The following RBMS3 variants were observed in gnomAD, a reference collection of about 807,000 sequenced individuals.
RBMS3 encodes RNA-binding motif, single-stranded-interacting protein 3.
A neutral mutation model predicts 66.8 loss-of-function variants in RBMS3; 27 were observed. That is an observed-to-expected ratio of 0.40 (90% CI 0.30 to 0.56). The LOEUF (loss-of-function observed/expected upper bound fraction) is 0.56. Among genes scored for constraint, RBMS3 ranks in the 20% least tolerant of loss-of-function variants. RBMS3 has a pLI of 0.40. For synonymous variants in RBMS3, 188 were observed against 183.0 expected (o/e 1.03, Z -0.22); for missense variants, 513 against 549.5 (o/e 0.93, Z 0.66).
intron 6 of RBMS3, among the ~76,000 whole-genome samples, chr3:29,769,298 A>G (rs1412008970): frequency 6.6e-6 from 1 of 151,970 alleles, no homozygotes; most frequent in Non-Finnish European, 1.5e-5. Context: ...GATTTAGGGC[A>G]GCCATAAAGC....
At chr3:29,717,771 A>G (rs2053462759) in intron 4 of RBMS3, among the ~76,000 whole-genome samples, 1 of 152,166 alleles carries the variant, frequency 6.6e-6, no homozygotes, top group Non-Finnish European at 1.5e-5. Context: ...TTCAAAATGC[A>G]GTAGAAGGAG....
intron 12 of RBMS3, among the ~76,000 whole-genome samples, chr3:29,955,703 A>G (rs951001048): frequency 6.6e-6 from 1 of 152,058 alleles, no homozygotes; most frequent in Admixed American, 6.6e-5. Context: ...TAGACCACAC[A>G]GTGTCTGCTC....
intron 1 of RBMS3, among the ~76,000 whole-genome samples, chr3:29,368,897 A>G (rs1013203627): frequency 3.3e-5 from 5 of 152,188 alleles, no homozygotes; most frequent in African/African-American, 1.2e-4. Context: ...AATAGCAAAG[A>G]CATAGAATCA....
chr3:29,287,971 TG>T (rs1370941456), intron 1 of RBMS3, among the ~76,000 whole-genome samples: 23 of 152,228 alleles, frequency 1.5e-4, no homozygotes, highest in African/African-American at 5.3e-4. Context: ...AAAAATGTTT[TG>T]TTTTATCCAT....
intron 3 of RBMS3, among the ~76,000 whole-genome samples, chr3:29,584,825 G>A (rs1473460589): frequency 6.6e-6 from 1 of 151,952 alleles, no homozygotes; most frequent in Non-Finnish European, 1.5e-5. Flanking sequence ...CTGGAATGTT[G>A]CAATAGCCCC....
chr3:29,914,110 A>G (rs2060582319), intron 10 of RBMS3, among the ~76,000 whole-genome samples: 2 of 151,970 alleles, frequency 1.3e-5, no homozygotes, highest in South Asian at 4.1e-4. Flanking sequence ...GTGTGTTTAT[A>G]TGAGGTTATT....
intron 1 of RBMS3, among the ~76,000 whole-genome samples, chr3:29,380,038 G>A (rs1245578009): frequency 6.6e-6 from 1 of 152,130 alleles, no homozygotes; most frequent in Non-Finnish European, 1.5e-5. Flanking sequence ...ATTTCTGACA[G>A]GGGGAAAGAG....
chr3:29,813,609 T>A, intron 6 of RBMS3, among the ~76,000 whole-genome samples: 2 of 152,190 alleles, frequency 1.3e-5, no homozygotes, highest in Non-Finnish European at 2.9e-5. Flanking sequence ...TTCCTACCCA[T>A]GAGCATGGAA....
intron 3 of RBMS3, among the ~76,000 whole-genome samples, chr3:29,552,762 G>A (rs1477612115): frequency 6.6e-6 from 1 of 152,086 alleles, no homozygotes; most frequent in Admixed American, 6.5e-5. Context: ...AAATGGAAAT[G>A]GTGAACACAA....
intron 1 of RBMS3, among the ~76,000 whole-genome samples, chr3:29,295,304 T>TATA (rs1491256197): frequency 0.14 from 546 of 3,972 alleles, 1 homozygote; most frequent in Non-Finnish European, 0.24. Flanking sequence ...TACATATATA[T>TATA]CTATATATAT....
intron 3 of RBMS3, among the ~76,000 whole-genome samples, chr3:29,511,592 C>T (rs1013044977): frequency 2.0e-5 from 3 of 152,094 alleles, no homozygotes; most frequent in Non-Finnish European, 2.9e-5. Context: ...CCAATGTCTG[C>T]TGTTGGAAAT....
chr3:29,526,816 A>G (rs1048258408), intron 3 of RBMS3, among the ~76,000 whole-genome samples: 2 of 151,586 alleles, frequency 1.3e-5, no homozygotes, highest in African/African-American at 4.8e-5. Context: ...CCTCACCTCC[A>G]ATTCCTCCCT....
intron 4 of RBMS3, among the ~76,000 whole-genome samples, chr3:29,710,369 C>T (rs7653087): frequency 0.55 from 83,361 of 151,992 alleles, 23,457 homozygotes; most frequent in African/African-American, 0.68. Context: ...ATATTCTCTG[C>T]TCAGGCACTA....
chr3:29,890,021 C>T (rs951638364), intron 8 of RBMS3, among the ~76,000 whole-genome samples: 1 of 151,608 alleles, frequency 6.6e-6, no homozygotes, highest in African/African-American at 2.4e-5. Context: ...TTGGACTATG[C>T]ATTGTGTTGT....
chr3:29,616,010 T>C (rs1270281343), intron 4 of RBMS3: 1 of 152,102 alleles, frequency 6.6e-6, no homozygotes, highest in Non-Finnish European at 1.5e-5. Context: ...TCTGAGCAAT[T>C]ATAGAAGCCA....
intron 11 of RBMS3, among the ~76,000 whole-genome samples, chr3:29,936,635 G>A (rs999798209): frequency 6.6e-6 from 1 of 152,018 alleles, no homozygotes; most frequent in Non-Finnish European, 1.5e-5. Context: ...TCAATAAAGA[G>A]TAATTGAGGT....
intron 3 of RBMS3, among the ~76,000 whole-genome samples, chr3:29,582,305 A>G (rs1038023943): frequency 3.2e-4 from 49 of 152,338 alleles, no homozygotes; most frequent in African/African-American, 6.7e-4. Context: ...TCAGGAAAGC[A>G]TTGATTATAT....
chr3:29,495,055 A>C (rs2068308), intron 3 of RBMS3, among the ~76,000 whole-genome samples: 3,443 of 147,980 alleles, frequency 0.023, 141 homozygotes, highest in Admixed American at 0.091. Context: ...AATTGGAGAC[A>C]AGTATCCAAA....
intron 2 of RBMS3, among the ~76,000 whole-genome samples, chr3:29,480,056 T>A (rs776653761): frequency 2.6e-4 from 39 of 152,320 alleles, no homozygotes; most frequent in Middle Eastern, 3.4e-3. Flanking sequence ...GAGATGATCA[T>A]TCAGCATACA....
Sources: gnomAD v4.1 joint callset for allele counts (sites outside exome capture counted in the v4.1 genomes callset) on GRCh38, gnomAD v4.1.1 for gene constraint, MANE v1.5 for transcripts, NCBI Gene and HGNC (gene_info 2026-07-23, HGNC 2026-07-21) for gene names.